PADI4: variants seen among roughly 807,000 people sequenced by gnomAD.
The protein encoded by PADI4 is peptidyl arginine deiminase 4.
A neutral mutation model predicts 75.0 loss-of-function variants in PADI4; 62 were observed. That is an observed-to-expected ratio of 0.83 (90% CI 0.67 to 1.02). The LOEUF is 1.02. Among genes scored for constraint, PADI4 ranks in the 50% least tolerant of loss-of-function variants. PADI4 has a pLI of 0.00. For missense variants in PADI4, 845 were observed against 850.5 expected, an observed-to-expected ratio of 0.99 and a Z score of 0.08; for synonymous variants, 361 against 348.1, an observed-to-expected ratio of 1.04 and a Z score of -0.41.
In PADI4 at chr1:17,352,021, C is replaced by CAGTAGGAGAGGTGGT. The variant is rs1557576606; in HGVS notation, c.1156-2512_1156-2511insAGTAGGAGAGGTGGT. Among the ~76,000 whole-genome samples, 9 of 13,430 alleles carry CAGTAGGAGAGGTGGT rather than the reference C, an allele frequency of 6.7e-4. 2 individuals are homozygous for CAGTAGGAGAGGTGGT. Among genetic ancestry groups the CAGTAGGAGAGGTGGT allele is most frequent in the Non-Finnish European group, 1.4e-4 (1 of 7,146 alleles). The allele number at this position is 13,430 out of a possible 152,430, so 8.8% of individuals were successfully genotyped here. Reference sequence around the variant, plus strand: ...AGGGAGGTGATGGGAGGAGAGGCGGCCAGGGAGGTGATGGGAGGAGAGGCA... The same window carrying CAGTAGGAGAGGTGGT: ...AGGGAGGTGATGGGAGGAGAGGCGGCAGTAGGAGAGGTGGTCAGGGAGGTGATGGGAGGAGAGGCA... On this transcript the variant is annotated intron_variant, in intron 10 of 15. Coordinates refer to ENST00000375448, the MANE Select transcript of PADI4 (RefSeq NM_012387.3).
chr1:17,317,302 C>T (rs114602362), intron 1 of PADI4, among the ~76,000 whole-genome samples: 1,740 of 151,976 alleles, frequency 0.011, 39 homozygotes, highest in African/African-American at 0.04. Context: ...GAGTCTCGCT[C>T]TTGTCGCCTA....
chr1:17,340,208 G>C (rs1249183172), intron 6 of PADI4, among the ~76,000 whole-genome samples: 1 of 152,098 alleles, frequency 6.6e-6, no homozygotes, highest in Non-Finnish European at 1.5e-5. Flanking sequence ...CTAAGTAGGT[G>C]CCAGGTTGAT....
At chr1:17,334,140 T>C (rs2074267025) in intron 3 of PADI4, 131 bp downstream of exon 3, 1 of 654,154 alleles carries the variant, frequency 1.5e-6, no homozygotes, top group Non-Finnish European at 2.8e-6. Context: ...GCATGGTTTC[T>C]AGCCAGTCAG....
Position 17,334,098 on chromosome 1 carries a change from C to T in PADI4, c.340+89C>T, listed in dbSNP as rs2074265976. On this transcript the variant is annotated intron_variant, in intron 3 of 15. Coordinates refer to ENST00000375448, the MANE Select transcript of PADI4 (RefSeq NM_012387.3). ...GATGTCTCTGTAGGAGAAACTACAC[C>T]TGGAGCTTACTTTAGACTGAGTAGA... 8.4e-6 allele frequency: 7 copies of T among 838,268 alleles called. No homozygotes were observed. The East Asian group carries it at 1.5e-4, about 18-fold the overall frequency. The allele number at this position is 838,268 out of a possible 1,614,324, so 51.9% of individuals were successfully genotyped here. A position where few individuals can be genotyped will look rare whatever the true frequency, so the allele number is the denominator to read the frequency against.
At chr1:17,342,933 C>G (rs2074449827) in intron 8 of PADI4, among the ~76,000 whole-genome samples, 1 of 152,240 alleles carries the variant, frequency 6.6e-6, no homozygotes, top group Non-Finnish European at 1.5e-5. Flanking sequence ...TGAGATTGCG[C>G]CACTGCGCTC....
At chr1:17,340,402 G>A (rs1318584717) in intron 6 of PADI4, among the ~76,000 whole-genome samples, 1 of 152,110 alleles carries the variant, frequency 6.6e-6, no homozygotes, top group Admixed American at 6.6e-5. Flanking sequence ...AGTGGAGTTC[G>A]GGTTGTGTGG....
chr1:17,357,163 T>C (rs2074774908), intron 13 of PADI4, among the ~76,000 whole-genome samples: 1 of 152,172 alleles, frequency 6.6e-6, no homozygotes, highest in Non-Finnish European at 1.5e-5. Flanking sequence ...CCTGTTAAAT[T>C]TTTCTGGACA....
chr1:17,338,381 A>G lies in PADI4; in HGVS notation c.526+226A>G, dbSNP rs115492448. ...GAGCTGAGGCCAGTGCTGTCTCCTG[A>G]TGCCTCCTACAGGCCCTGGTTTCCA... On this transcript the variant is annotated intron_variant, in intron 5 of 15. Coordinates refer to ENST00000375448, the MANE Select transcript of PADI4 (RefSeq NM_012387.3). 7.2e-3 allele frequency among the ~76,000 whole-genome samples: 1,089 copies of G among 152,244 alleles called. 6 individuals are homozygous for G. Among genetic ancestry groups the G allele is most frequent in the African/African-American group, 0.022 (932 of 41,538 alleles).
chr1:17,336,309 C>T (rs1748032), intron 4 of PADI4, 83 bp downstream of exon 4: 579,159 of 919,052 alleles, frequency 0.63, 183,640 homozygotes, highest in Non-Finnish European at 0.65. Context: ...CAAATGCTGG[C>T]CTGTCCCACG....
chr1:17,338,940 A>T (rs771359817), intron 5 of PADI4, among the ~76,000 whole-genome samples: 2 of 152,204 alleles, frequency 1.3e-5, no homozygotes, highest in Non-Finnish European at 2.9e-5. Flanking sequence ...GCCTCTGTAC[A>T]GTGCCTGACA....
At chr1:17,318,842 C>T (rs1357669062) in intron 1 of PADI4, among the ~76,000 whole-genome samples, 1 of 152,048 alleles carries the variant, frequency 6.6e-6, no homozygotes, top group Admixed American at 6.6e-5. Context: ...CCCGCCACAA[C>T]TCCCGGCTAA....
At chr1:17,348,228 A>G in intron 10 of PADI4, 180 bp downstream of exon 10, 1 of 501,440 alleles carries the variant, frequency 2.0e-6, no homozygotes, top group Non-Finnish European at 3.6e-6. Context: ...TTACCAAGAT[A>G]AGATCTGGCT....
At chr1:17,330,890 G>A (rs1289342852) in intron 1 of PADI4, 79 bp from the exon 2 acceptor site, 2 of 910,068 alleles carry the variant, frequency 2.2e-6, no homozygotes, top group Non-Finnish European at 3.3e-6. Context: ...ACCATCACAA[G>A]GAGAAATGCT....
At chr1:17,345,134 A>G (rs192224244) in intron 8 of PADI4, among the ~76,000 whole-genome samples, 21 of 152,362 alleles carry the variant, frequency 1.4e-4, no homozygotes, top group African/African-American at 4.8e-4. Flanking sequence ...TGAGACCTGG[A>G]GTCAAAGATC....
chr1:17,310,537 A>G (rs2100641698), intron 1 of PADI4, among the ~76,000 whole-genome samples: 1 of 152,124 alleles, frequency 6.6e-6, no homozygotes, highest in East Asian at 1.9e-4. Context: ...TCTGTCCCCA[A>G]AGTCAGGAAC....
intron 5 of PADI4, 116 bp from the exon 6 acceptor site, chr1:17,339,572 A>G: frequency 1.0e-6 from 1 of 985,988 alleles, no homozygotes; most frequent in South Asian, 1.4e-5. Flanking sequence ...AACATGGTAA[A>G]GGGAGGTCTC....
chr1:17,360,721 A>T (rs2074836707), intron 15 of PADI4, among the ~76,000 whole-genome samples: 1 of 149,618 alleles, frequency 6.7e-6, no homozygotes, highest in South Asian at 2.1e-4. Context: ...ATGGATAGGG[A>T]ATCAACCAAC....
At position 17,356,327 on chromosome 1, in the gene PADI4, G is replaced by T; in HGVS notation, c.1456-30G>T. ...CGTTGGGAGCTCCAGGGGCAAAGCT[G>T]ACTTCTAACCCCAGTGTTTCTGCCT... is the stretch of plus-strand genomic sequence containing the variant. On this transcript the variant is annotated intron_variant, in intron 12 of 15. Coordinates refer to ENST00000375448, the MANE Select transcript of PADI4 (RefSeq NM_012387.3). This position sits in a 1 kb window ranked among gnomAD's most constrained non-coding sequence, Gnocchi z 4.1. The T allele has an allele frequency of 6.6e-7, 1 of 1,509,644 alleles. No homozygotes were observed. Among genetic ancestry groups the T allele is most frequent in the Non-Finnish European group, 9.0e-7 (1 of 1,105,486 alleles). 93.5% of individuals were successfully genotyped at this position (1,509,644 alleles called of 1,614,324 possible). A position where few individuals can be genotyped will look rare whatever the true frequency, so the allele number is the denominator to read the frequency against.
chr1:17,351,609 C>CAAA (rs56047360), intron 10 of PADI4, among the ~76,000 whole-genome samples: 12 of 97,998 alleles, frequency 1.2e-4, no homozygotes, highest in Admixed American at 3.6e-4. Context: ...GACCTGGTCT[C>CAAA]AAAAAAAAAA....
Sources: allele counts gnomAD v4.1 joint callset (sites outside exome capture counted in the v4.1 genomes callset), GRCh38; gene constraint gnomAD v4.1.1; non-coding constraint Gnocchi (gnomAD v3.1); transcripts MANE v1.5; gene names NCBI Gene and HGNC (gene_info 2026-07-23, HGNC 2026-07-21).